The following RAB10 variants were observed in gnomAD, a reference collection of about 807,000 sequenced individuals.
RAB10 encodes RAB10, member RAS oncogene family, also known as ras-related protein Rab-10.
A neutral mutation model predicts 25.7 loss-of-function variants in RAB10; 5 were observed. The ratio of observed to expected loss-of-function variants is 0.19; its 90% CI spans 0.10 to 0.41. The LOEUF (loss-of-function observed/expected upper bound fraction) is 0.41, where lower values mean the gene tolerates loss of function less well. Ranked by LOEUF, RAB10 falls within the 10% of genes least tolerant of loss-of-function variation. The pLI is 1.00. For synonymous variants in RAB10, 89 were observed against 86.4 expected, an observed-to-expected ratio of 1.03 and a Z score of -0.16; for missense variants, 103 against 245.8, an observed-to-expected ratio of 0.42 and a Z score of 3.89.
intron 1 of RAB10, among the ~76,000 whole-genome samples, chr2:26,095,750 A>G (rs904073138): frequency 3.3e-5 from 5 of 152,054 alleles, no homozygotes; most frequent in South Asian, 2.1e-4. Flanking sequence ...CGTTTCTACA[A>G]ATAATACAAG....
At chr2:26,041,741 C>A (rs1210654696) in intron 1 of RAB10, among the ~76,000 whole-genome samples, 2 of 151,454 alleles carry the variant, frequency 1.3e-5, no homozygotes, top group Non-Finnish European at 2.9e-5. Context: ...CCTGTCTCTA[C>A]CAAAAATACA....
chr2:26,090,369 T>A (rs749788000), intron 1 of RAB10, among the ~76,000 whole-genome samples: 14 of 152,158 alleles, frequency 9.2e-5, no homozygotes, highest in Non-Finnish European at 1.9e-4. Flanking sequence ...CATACTTTTA[T>A]AAACTATTTC....
chr2:26,110,034 T>C (rs1004979147), intron 3 of RAB10, 128 bp downstream of exon 3: 1 of 1,124,984 alleles, frequency 8.9e-7, no homozygotes, highest in African/African-American at 1.6e-5. Context: ...GAAGTATTTC[T>C]ATTTTCTAAA....
intron 1 of RAB10, among the ~76,000 whole-genome samples, chr2:26,048,508 T>C (rs1271997717): frequency 1.3e-5 from 2 of 152,224 alleles, no homozygotes; most frequent in African/African-American, 4.8e-5. Context: ...TTGCCATCTT[T>C]GGAAAAATGT....
At chr2:26,111,989 T>C (rs1203293533) in intron 3 of RAB10, among the ~76,000 whole-genome samples, 1 of 152,038 alleles carries the variant, frequency 6.6e-6, no homozygotes, top group Non-Finnish European at 1.5e-5. Context: ...CTAGGGTGAG[T>C]CATAGAACTT....
intron 1 of RAB10, among the ~76,000 whole-genome samples, chr2:26,061,826 G>A (rs907780385): frequency 1.5e-5 from 2 of 136,408 alleles, no homozygotes; most frequent in African/African-American, 5.6e-5. Flanking sequence ...CTACGATTTC[G>A]GGTCACTGCA....
intron 2 of RAB10, among the ~76,000 whole-genome samples, chr2:26,099,624 T>C (rs796244855): frequency 5.1e-5 from 7 of 137,292 alleles, no homozygotes; most frequent in African/African-American, 1.9e-4. Flanking sequence ...CACTGCAAGC[T>C]CTACCTCCCA....
intron 3 of RAB10, among the ~76,000 whole-genome samples, chr2:26,119,115 G>C (rs544470250): frequency 6.6e-6 from 1 of 152,238 alleles, no homozygotes; most frequent in South Asian, 2.1e-4. Flanking sequence ...ATCCAAGTAA[G>C]GATGTATAGG....
At chr2:26,116,279 G>A (rs1667686180) in intron 3 of RAB10, among the ~76,000 whole-genome samples, 1 of 152,034 alleles carries the variant, frequency 6.6e-6, no homozygotes, top group Admixed American at 6.6e-5. Flanking sequence ...CAGCCTTCCT[G>A]GTAGCTAGGA....
intron 1 of RAB10, among the ~76,000 whole-genome samples, chr2:26,098,077 ACT>A (rs1667261525): frequency 2.4e-5 from 3 of 124,072 alleles, no homozygotes; most frequent in South Asian, 5.3e-4. Flanking sequence ...GTAAAAACTC[ACT>A]CTTTCTTCTT....
Position 26,057,432 on chromosome 2 carries a change from C to G in RAB10, c.127+22697C>G, listed in dbSNP as rs61650613. Among the ~76,000 whole-genome samples, 229 of 138,790 alleles carry G rather than the reference C, an allele frequency of 1.6e-3. 1 individual carries two copies. The highest frequency in any genetic ancestry group is 6.1e-3 in the African/African-American group (220 of 36,082). 91.1% of individuals were successfully genotyped at this position (138,790 alleles called of 152,430 possible). On this transcript the variant is annotated intron_variant, in intron 1 of 5. Coordinates refer to ENST00000264710, the MANE Select transcript of RAB10 (RefSeq NM_016131.5). Reference sequence around the variant, plus strand: ...CCAGCCTGGGCAACATAGACAGTCTCTAAAAAAAAAAAAAAATTAAAAAAT... The same window carrying G: ...CCAGCCTGGGCAACATAGACAGTCTGTAAAAAAAAAAAAAAATTAAAAAAT...
chr2:26,127,265 C>A, intron 4 of RAB10, 32 bp downstream of exon 4: 1 of 1,473,342 alleles, frequency 6.8e-7, no homozygotes, highest in South Asian at 1.2e-5. Flanking sequence ...ATACTCTGCT[C>A]TGTCTTTGTA....
intron 1 of RAB10, among the ~76,000 whole-genome samples, chr2:26,056,194 C>G (rs916975400): frequency 3.1e-4 from 47 of 151,616 alleles, no homozygotes; most frequent in Admixed American, 3.0e-3. Context: ...TCTGGCCTTT[C>G]TTTTTCTCTT....
At chr2:26,056,996 C>T (rs906900262) in intron 1 of RAB10, among the ~76,000 whole-genome samples, 3 of 152,294 alleles carry the variant, frequency 2.0e-5, no homozygotes, top group East Asian at 3.9e-4. Context: ...ATAGAGGCGT[C>T]GTGAGTGGCA....
chr2:26,110,647 T>A (rs1281522928), intron 3 of RAB10, among the ~76,000 whole-genome samples: 2 of 152,214 alleles, frequency 1.3e-5, no homozygotes, highest in East Asian at 3.8e-4. Flanking sequence ...AATACTAATA[T>A]AGTAAAAACC....
intron 1 of RAB10, among the ~76,000 whole-genome samples, chr2:26,090,960 C>G (rs975868710): frequency 8.1e-5 from 12 of 148,326 alleles, no homozygotes; most frequent in African/African-American, 3.0e-4. Flanking sequence ...AAAAAAAATT[C>G]TGATATCTCA....
intron 1 of RAB10, among the ~76,000 whole-genome samples, chr2:26,080,459 C>T (rs1040049685): frequency 2.6e-5 from 4 of 151,686 alleles, no homozygotes; most frequent in African/African-American, 4.8e-5. Context: ...TTTTTTTTGT[C>T]GTGATACATT....
intron 1 of RAB10, among the ~76,000 whole-genome samples, chr2:26,048,839 C>T (rs1454410131): frequency 6.6e-6 from 1 of 152,134 alleles, no homozygotes; most frequent in Non-Finnish European, 1.5e-5. Flanking sequence ...TCACTCCAGC[C>T]TGGGCGACAG....
chr2:26,086,696 T>C (rs1016640910), intron 1 of RAB10, among the ~76,000 whole-genome samples: 1 of 152,190 alleles, frequency 6.6e-6, no homozygotes, highest in Non-Finnish European at 1.5e-5. Flanking sequence ...AACAGCTCTA[T>C]TCATAAAAGC....
Sources: gnomAD v4.1 joint callset for allele counts (sites outside exome capture counted in the v4.1 genomes callset) on GRCh38, gnomAD v4.1.1 for gene constraint, MANE v1.5 for transcripts, NCBI Gene and HGNC (gene_info 2026-07-23, HGNC 2026-07-21) for gene names.